CLRN1: variants seen among roughly 807,000 people sequenced by gnomAD.
The protein encoded by CLRN1 is clarin-1.
A neutral mutation model predicts 18.7 loss-of-function variants in CLRN1; 15 were observed. That is an observed-to-expected ratio of 0.80 (90% CI 0.54 to 1.23). The LOEUF is 1.23. Among genes scored for constraint, CLRN1 ranks in the 50% most tolerant of loss-of-function variants. The probability of loss-of-function intolerance (pLI) is 0.00; values close to 1 mark genes in which losing one functional copy is unlikely to be tolerated. For synonymous variants in CLRN1, 104 were observed against 102.9 expected (o/e 1.01, Z -0.07); for missense variants, 311 against 277.5 (o/e 1.12, Z -0.86).
At chr3:150,936,616 G>A (rs1713502986) in intron 2 of CLRN1, among the ~76,000 whole-genome samples, 1 of 152,114 alleles carries the variant, frequency 6.6e-6, no homozygotes, top group Admixed American at 6.6e-5. Flanking sequence ...TGATGGTATT[G>A]TCTTTCACCA....
rs781291303 is a variant in CLRN1, at chr3:150,972,705, G to A, written c.4C>T (p.Pro2Ser). Reference sequence around the variant, plus strand: ...AAAATGATTTTCTTCTGTTGGCTTGGCATGATGAGAAACGGCTTCTGTGAG... The same window carrying A: ...AAAATGATTTTCTTCTGTTGGCTTGACATGATGAGAAACGGCTTCTGTGAG... M[P>S]SQQKKIIFCM... is the part of the protein sequence containing the mutation. The change falls in exon 1 of 3, where the codon CCA becomes TCA. Residue 2 changes from proline (P) to serine (S), a missense_variant. Coordinates refer to ENST00000327047, the MANE Select transcript of CLRN1 (RefSeq NM_174878.3). 1.9e-6 allele frequency: 3 copies of A among 1,614,090 alleles called. No homozygotes were observed. The African/African-American group carries it at 4.0e-5, about 22-fold the overall frequency.
Position 150,927,863 on chromosome 3 carries a change from T to C in CLRN1, c.*73A>G, listed in dbSNP as rs761229375. On this transcript the variant is annotated 3_prime_UTR_variant, in exon 3 of 3. Transcript: ENST00000327047. ...TTAATATATGCAGACTAAAAGGATA[T>C]GCAAAATTAACCACATCTAAAAGTG... The C allele has an allele frequency of 3.2e-6, 5 of 1,561,194 alleles. No individual in the cohort carries two copies. Among genetic ancestry groups the C allele is most frequent in the Non-Finnish European group, 3.5e-6 (4 of 1,133,800 alleles).
intron 1 of CLRN1, among the ~76,000 whole-genome samples, chr3:150,960,230 G>A (rs1404953959): frequency 6.6e-6 from 1 of 152,188 alleles, no homozygotes; most frequent in Non-Finnish European, 1.5e-5. Context: ...GAAGATTGTT[G>A]TAAATTTTAA....
chr3:150,961,927 C>T (rs961545223), intron 1 of CLRN1, among the ~76,000 whole-genome samples: 4 of 152,106 alleles, frequency 2.6e-5, no homozygotes, highest in Non-Finnish European at 5.9e-5. Flanking sequence ...TCCATGACCC[C>T]AGCACTTAAA....
At chr3:150,941,483 A>G in intron 2 of CLRN1, 99 bp downstream of exon 2, 1 of 1,196,950 alleles carries the variant, frequency 8.4e-7, no homozygotes, top group Non-Finnish European at 1.2e-6. Context: ...GTGTGCATCC[A>G]TGTATATATG....
intron 1 of CLRN1, among the ~76,000 whole-genome samples, chr3:150,951,666 G>A (rs1045908430): frequency 2.0e-5 from 3 of 152,076 alleles, no homozygotes; most frequent in African/African-American, 7.2e-5. Flanking sequence ...AAAGAGATGA[G>A]GTTTAATTGG....
At chr3:150,944,575 C>G (rs891005387) in intron 1 of CLRN1, among the ~76,000 whole-genome samples, 1 of 150,230 alleles carries the variant, frequency 6.7e-6, no homozygotes, top group African/African-American at 2.4e-5. Flanking sequence ...AAAAAAGAAT[C>G]CAGGCCGGGT....
chr3:150,935,120 C>CA (rs1207972781), intron 2 of CLRN1, among the ~76,000 whole-genome samples: 2 of 138,808 alleles, frequency 1.4e-5, no homozygotes, highest in Non-Finnish European at 1.6e-5. Flanking sequence ...GGTCCTACAT[C>CA]AATTTTTGTT....
intron 1 of CLRN1, chr3:150,942,531 T>C (rs1483561937): frequency 2.3e-6 from 1 of 435,898 alleles, no homozygotes; most frequent in East Asian, 7.5e-5. Flanking sequence ...ATCAAGTGCT[T>C]AAGTTATTCA....
Position 150,970,858 on chromosome 3 carries a change from A to C in CLRN1, c.253+1598T>G, listed in dbSNP as rs568069710. ...GACAAGCATAGGACACAACCACAAA[A>C]ATCATTCGCTAAACCCCAGAAGAAT... On this transcript the variant is annotated intron_variant, in intron 1 of 2. Coordinates refer to ENST00000327047, the MANE Select transcript of CLRN1 (RefSeq NM_174878.3). Among the ~76,000 whole-genome samples the C allele has an allele frequency of 8.5e-5, 13 of 152,314 alleles. No individual in the cohort carries two copies. In the South Asian group the frequency reaches 2.7e-3, roughly 32 times the overall value.
chr3:150,950,973 T>G (rs898116194), intron 1 of CLRN1, among the ~76,000 whole-genome samples: 1 of 152,208 alleles, frequency 6.6e-6, no homozygotes, highest in African/African-American at 2.4e-5. Context: ...TAAAAATGAA[T>G]GAGATCATGT....
intron 1 of CLRN1, among the ~76,000 whole-genome samples, chr3:150,959,457 C>T (rs1184113310): frequency 2.0e-5 from 3 of 151,840 alleles, no homozygotes; most frequent in African/African-American, 4.8e-5. Context: ...GGTGAAACCC[C>T]GTCTCTACTA....
intron 1 of CLRN1, among the ~76,000 whole-genome samples, chr3:150,969,663 A>G (rs1157980554): frequency 6.6e-6 from 1 of 152,114 alleles, no homozygotes; most frequent in African/African-American, 2.4e-5. Context: ...TGCTGATATA[A>G]ATGAAACATT....
At position 150,972,611 on chromosome 3, in the gene CLRN1, C is replaced by T. The variant is rs878853379; in HGVS notation, c.98G>A (p.Trp33Ter). The change falls in exon 1 of 3, where the codon TGG becomes TAG. Residue 33 changes from tryptophan to a stop codon, truncating the protein, a stop_gained. Coordinates refer to ENST00000327047, the MANE Select transcript of CLRN1 (RefSeq NM_174878.3). LOFTEE classifies it high-confidence loss of function. ...GVVTALGTPL[W>*]IKATVLCKTG... ...TTTGCAGAGGACAGTGGCTTTGATC[C>T]ACAACGGTGTCCCCAAGGCTGTCAC... 9 of 1,614,244 alleles carry T rather than the reference C, an allele frequency of 5.6e-6. No homozygotes were observed. Among genetic ancestry groups the T allele is most frequent in the Non-Finnish European group, 5.9e-6 (7 of 1,180,046 alleles).
At chr3:150,969,096 C>G (rs193118372) in intron 1 of CLRN1, among the ~76,000 whole-genome samples, 30 of 149,932 alleles carry the variant, frequency 2.0e-4, no homozygotes, top group Admixed American at 8.6e-4. Context: ...CTCTAGATTT[C>G]CAAGACAGCG....
chr3:150,955,032 T>C (rs1446765817), intron 1 of CLRN1, among the ~76,000 whole-genome samples: 1 of 152,246 alleles, frequency 6.6e-6, no homozygotes, highest in Non-Finnish European at 1.5e-5. Context: ...AAACAAGTTG[T>C]GGCCCATCCA....
At chr3:150,939,394 T>C (rs913394162) in intron 2 of CLRN1, among the ~76,000 whole-genome samples, 2 of 152,196 alleles carry the variant, frequency 1.3e-5, no homozygotes, top group Admixed American at 6.5e-5. Context: ...CAAACTCTTT[T>C]GTTGGTTCCC....
chr3:150,944,754 CAAAA>C (rs778124504), intron 1 of CLRN1, among the ~76,000 whole-genome samples: 1 of 120,954 alleles, frequency 8.3e-6, no homozygotes. Context: ...GAATCCGTCT[CAAAA>C]AAAAAAAAAG....
rs142393062 is a variant in CLRN1, at chr3:150,948,570, A to G, written c.254-6809T>C. Among the ~76,000 whole-genome samples the G allele has an allele frequency of 1.3e-4, 19 of 151,936 alleles. No homozygotes were observed. In the East Asian group the frequency reaches 3.7e-3, roughly 29 times the overall value. On this transcript the variant is annotated intron_variant, in intron 1 of 2. Coordinates refer to ENST00000327047, the MANE Select transcript of CLRN1 (RefSeq NM_174878.3). ...GAAATAAAAACAACCATCAGAAACT[A>G]CTATGAACACCCATATGCACACAAA...
Sources: allele counts gnomAD v4.1 joint callset (sites outside exome capture counted in the v4.1 genomes callset), GRCh38; gene constraint gnomAD v4.1.1; transcripts MANE v1.5; gene names NCBI Gene and HGNC (gene_info 2026-07-23, HGNC 2026-07-21).